GPR39: variants seen among roughly 807,000 people sequenced by gnomAD.
GPR39 encodes zinc sensing receptor.
GPR39 carries 23 observed loss-of-function variants against 18.4 expected under a neutral mutation model. The observed-to-expected ratio is 1.25, with a 90% CI of 0.90 to 1.77. The LOEUF is 1.77. GPR39 is among the 40% of genes most tolerant of loss of function. The pLI is 0.00. For missense variants in GPR39, 647 were observed against 602.4 expected (o/e 1.07, Z -0.78); for synonymous variants, 280 against 257.9 (o/e 1.09, Z -0.82).
At chr2:132,589,560 G>C (rs72983688) in intron 1 of GPR39, among the ~76,000 whole-genome samples, 3,864 of 152,270 alleles carry the variant, frequency 0.025, 160 homozygotes, top group African/African-American at 0.087. Flanking sequence ...GAGATCTCCT[G>C]CATACTCGGG....
chr2:132,438,284 G>T (rs1680368320), intron 1 of GPR39, among the ~76,000 whole-genome samples: 2 of 152,284 alleles, frequency 1.3e-5, no homozygotes, highest in Middle Eastern at 3.4e-3. Context: ...TTCATAAGTT[G>T]TTGGGGTTTT....
At chr2:132,537,295 T>C (rs1043264876) in intron 1 of GPR39, among the ~76,000 whole-genome samples, 3 of 152,206 alleles carry the variant, frequency 2.0e-5, no homozygotes, top group Non-Finnish European at 2.9e-5. Flanking sequence ...TTTGCTTATC[T>C]GGAAAGGATT....
chr2:132,645,822 C>T lies in GPR39; in HGVS notation c.*216C>T. ...CAGACATGGGGGTGAACTTTCACTCCACCTCCTTCCTTCAAGTACATACTG... is the reference window on the plus strand; with the variant it reads ...CAGACATGGGGGTGAACTTTCACTCTACCTCCTTCCTTCAAGTACATACTG... On this transcript the variant is annotated 3_prime_UTR_variant, in exon 2 of 2. Coordinates refer to ENST00000329321, the MANE Select transcript of GPR39 (RefSeq NM_001508.3). 2.9e-6 allele frequency: 2 copies of T among 688,608 alleles called. No individual in the cohort carries two copies. The highest frequency in any genetic ancestry group is 2.0e-5 in the South Asian group (1 of 48,892). 42.7% of individuals were successfully genotyped at this position (688,608 alleles called of 1,614,324 possible). A position where few individuals can be genotyped will look rare whatever the true frequency, so the allele number is the denominator to read the frequency against.
At chr2:132,591,000 C>G (rs1680826478) in intron 1 of GPR39, among the ~76,000 whole-genome samples, 1 of 151,672 alleles carries the variant, frequency 6.6e-6, no homozygotes. Context: ...GCCTGTAATC[C>G]CAGCACTTTG....
Position 132,418,355 on chromosome 2 carries a change from A to G in GPR39, c.856+457A>G, listed in dbSNP as rs146431868. On this transcript the variant is annotated intron_variant, in intron 1 of 1. Coordinates refer to ENST00000329321, the MANE Select transcript of GPR39 (RefSeq NM_001508.3). ...GGGGAAGACTTTCTTGTGCAATTAG[A>G]TTTTGTTCCCATTTTTCTCCTCCTT... is the stretch of plus-strand genomic sequence containing the variant. 111 of 156,012 alleles carry G rather than the reference A, an allele frequency of 7.1e-4. 2 individuals are homozygous for G. Among genetic ancestry groups the G allele is most frequent in the Admixed American group, 5.4e-3 (86 of 15,892 alleles). The allele number at this position is 156,012 out of a possible 1,614,324, so 9.7% of individuals were successfully genotyped here. A position where few individuals can be genotyped will look rare whatever the true frequency, so the allele number is the denominator to read the frequency against.
chr2:132,635,636 G>A (rs1681739306), intron 1 of GPR39, among the ~76,000 whole-genome samples: 1 of 152,234 alleles, frequency 6.6e-6, no homozygotes, highest in East Asian at 1.9e-4. Flanking sequence ...GAAAAGAGAT[G>A]GGGGAGGGGG....
chr2:132,548,266 T>C (rs555745336), intron 1 of GPR39, among the ~76,000 whole-genome samples: 33 of 152,356 alleles, frequency 2.2e-4, no homozygotes, highest in Admixed American at 8.5e-4. Flanking sequence ...GCATTGTTTT[T>C]AGTTTAAATA....
intron 1 of GPR39, among the ~76,000 whole-genome samples, chr2:132,504,656 A>G (rs1679102257): frequency 6.6e-6 from 1 of 152,152 alleles, no homozygotes; most frequent in Non-Finnish European, 1.5e-5. Flanking sequence ...TTTAGCTCCT[A>G]CTAGTGGCAT....
At chr2:132,480,344 G>T (rs1222356068) in intron 1 of GPR39, among the ~76,000 whole-genome samples, 1 of 152,170 alleles carries the variant, frequency 6.6e-6, no homozygotes, top group African/African-American at 2.4e-5. Flanking sequence ...TTTCACAACA[G>T]TGTGAATGTA....
At chr2:132,498,912 G>T (rs1425104272) in intron 1 of GPR39, among the ~76,000 whole-genome samples, 2 of 152,054 alleles carry the variant, frequency 1.3e-5, no homozygotes, top group African/African-American at 4.8e-5. Flanking sequence ...TGATGGGATT[G>T]TTCTTTTTTT....
At chr2:132,594,199 G>C (rs540605270) in intron 1 of GPR39, among the ~76,000 whole-genome samples, 1 of 152,108 alleles carries the variant, frequency 6.6e-6, no homozygotes, top group Non-Finnish European at 1.5e-5. Context: ...ATAACCAGGG[G>C]TGGGGAGCAG....
intron 1 of GPR39, among the ~76,000 whole-genome samples, chr2:132,439,383 G>A (rs1680394153): frequency 6.6e-6 from 1 of 152,224 alleles, no homozygotes; most frequent in Non-Finnish European, 1.5e-5. Flanking sequence ...TATGCCAAGA[G>A]GCGCTTGGTA....
chr2:132,542,700 A>G (rs1451332209), intron 1 of GPR39, among the ~76,000 whole-genome samples: 3 of 106,306 alleles, frequency 2.8e-5, no homozygotes, highest in Admixed American at 1.7e-4. Flanking sequence ...GTTCTCTATA[A>G]TAACATCAAA....
Position 132,631,746 on chromosome 2 carries a change from G to A in GPR39, c.857-13355G>A, listed in dbSNP as rs141941705. Among the ~76,000 whole-genome samples the A allele has an allele frequency of 3.2e-4, 49 of 152,044 alleles. 1 individual carries two copies. The East Asian group carries it at 8.3e-3, about 26-fold the overall frequency. On this transcript the variant is annotated intron_variant, in intron 1 of 1. Transcript: ENST00000329321. The stretch of plus-strand genomic sequence containing the variant: ...AAACTGAATTCCAGATTCTGTTTAT[G>A]GGGAGGGGCGGAGTCAGCCTATGAT...
intron 1 of GPR39, among the ~76,000 whole-genome samples, chr2:132,450,397 A>G (rs1034773557): frequency 5.3e-5 from 8 of 152,198 alleles, no homozygotes; most frequent in Non-Finnish European, 1.2e-4. Context: ...TTTGTAATGG[A>G]CATTTGATTA....
chr2:132,498,415 C>T (rs2104801478), intron 1 of GPR39, among the ~76,000 whole-genome samples: 1 of 152,298 alleles, frequency 6.6e-6, no homozygotes, highest in Non-Finnish European at 1.5e-5. Flanking sequence ...TTAATTCATT[C>T]CTTTTTATGG....
intron 1 of GPR39, among the ~76,000 whole-genome samples, chr2:132,494,355 G>A (rs886712003): frequency 3.3e-5 from 5 of 151,946 alleles, no homozygotes; most frequent in South Asian, 2.1e-4. Context: ...CCATCTCTTC[G>A]CCAGTAAAAT....
At chr2:132,480,808 G>A (rs750905123) in intron 1 of GPR39, among the ~76,000 whole-genome samples, 8 of 152,216 alleles carry the variant, frequency 5.3e-5, no homozygotes, top group African/African-American at 1.9e-4. Context: ...GCTAAGAGCT[G>A]TTGGAAGCTC....
At chr2:132,643,729 A>G (rs934612809) in intron 1 of GPR39, among the ~76,000 whole-genome samples, 3 of 152,124 alleles carry the variant, frequency 2.0e-5, no homozygotes, top group Admixed American at 6.6e-5. Flanking sequence ...TATGTTGCCT[A>G]GGTGGGTCTC....
Sources: gnomAD v4.1 joint callset for allele counts (sites outside exome capture counted in the v4.1 genomes callset) on GRCh38, gnomAD v4.1.1 for gene constraint, MANE v1.5 for transcripts, NCBI Gene and HGNC (gene_info 2026-07-23, HGNC 2026-07-21) for gene names.